Variants in CTBP2 observed in about 807,000 individuals in gnomAD.
CTBP2 encodes C-terminal-binding protein 2.
In CTBP2, 30 loss-of-function variants were observed where a neutral mutation model predicts 80.3. The ratio of observed to expected loss-of-function variants is 0.37; its 90% CI spans 0.28 to 0.51. CTBP2 has a LOEUF of 0.51. Among genes scored for constraint, CTBP2 ranks in the 20% least tolerant of loss-of-function variants. CTBP2 has a pLI of 0.93. For missense variants in CTBP2, 1,212 were observed against 1,375.3 expected, an observed-to-expected ratio of 0.88 and a Z score of 1.88; for synonymous variants, 594 against 587.4, an observed-to-expected ratio of 1.01 and a Z score of -0.16.
intron 1 of CTBP2, among the ~76,000 whole-genome samples, chr10:125,158,206 T>C (rs533241172): frequency 1.3e-5 from 2 of 152,118 alleles, no homozygotes; most frequent in East Asian, 3.9e-4. Flanking sequence ...TCAAAGTACA[T>C]GAAAACTACC....
chr10:125,073,806 C>A (rs147098428), intron 2 of CTBP2, among the ~76,000 whole-genome samples: 2 of 152,184 alleles, frequency 1.3e-5, no homozygotes, highest in Admixed American at 6.5e-5. Flanking sequence ...TGCTGCCCCC[C>A]GGAAAGGGTC....
At position 125,087,514 on chromosome 10, in the gene CTBP2, C is replaced by A. The variant is rs553582232; in HGVS notation, c.-102+23476G>T. Among the ~76,000 whole-genome samples, 29 of 152,334 alleles carry A rather than the reference C, an allele frequency of 1.9e-4. No individual in the cohort carries two copies. In the East Asian group the frequency reaches 4.6e-3, roughly 24 times the overall value. ...GCCAGGAAACACTCCCCCAGTCCCC[C>A]TGAAGGGCAAAGGTCTGTCTTCCAA... On this transcript the variant is annotated intron_variant, in intron 2 of 10. Transcript: ENST00000337195.
At chr10:125,002,713 G>A (rs1954697167) in intron 3 of CTBP2, among the ~76,000 whole-genome samples, 1 of 152,232 alleles carries the variant, frequency 6.6e-6, no homozygotes, top group Non-Finnish European at 1.5e-5. Flanking sequence ...GCTGGGTGTT[G>A]CTCTGAGGGC....
At chr10:125,005,402 C>CACT in intron 1 of CTBP2, 1 of 751,400 alleles carries the variant, frequency 1.3e-6, no homozygotes, top group East Asian at 2.7e-5. Flanking sequence ...TGCACCCAGT[C>CACT]ACTCCTGCTG....
intron 1 of CTBP2, among the ~76,000 whole-genome samples, chr10:125,148,349 C>G (rs1859182259): frequency 6.6e-6 from 1 of 152,196 alleles, no homozygotes; most frequent in Non-Finnish European, 1.5e-5. Flanking sequence ...AAACTCCCAG[C>G]TACAGGCGTG....
At position 125,026,109 on chromosome 10, in the gene CTBP2, C is replaced by T. The variant is rs530281431; in HGVS notation, c.1651G>A (p.Val551Met). Residue 551 changes from valine (V) to methionine (M), a missense_variant, in exon 1 of 9, where the codon GTG becomes ATG. By Grantham distance (21) the Val-to-Met change is conservative. This residue lies in a region of CTBP2 where 848 missense variants were observed against 782.3 expected (regional missense o/e 1.08). Transcript: ENST00000309035. Reference sequence around the variant, plus strand: ...GGTTCTGGTGCAAGCATGGTGGACACGATGATGGGTGCCCCTGTGCGCCGG... The same window carrying T: ...GGTTCTGGTGCAAGCATGGTGGACATGATGATGGGTGCCCCTGTGCGCCGG... The T allele has an allele frequency of 4.4e-5, 70 of 1,579,792 alleles. No homozygotes were observed. Among genetic ancestry groups the T allele is most frequent in the East Asian group, 2.5e-4 (11 of 44,412 alleles).
chr10:125,061,244 G>A (rs138525579), intron 2 of CTBP2, among the ~76,000 whole-genome samples: 2 of 152,210 alleles, frequency 1.3e-5, no homozygotes, highest in African/African-American at 2.4e-5. Flanking sequence ...ACAGCCAAGC[G>A]CTGTAAAAAT....
intron 2 of CTBP2, among the ~76,000 whole-genome samples, chr10:125,099,735 T>A (rs913444193): frequency 2.0e-5 from 3 of 151,754 alleles, no homozygotes; most frequent in African/African-American, 4.8e-5. Flanking sequence ...GGCAGAAGGG[T>A]CCCAAGGACT....
At chr10:125,018,091 C>T (rs539042219) in intron 1 of CTBP2, among the ~76,000 whole-genome samples, 4 of 152,354 alleles carry the variant, frequency 2.6e-5, no homozygotes, top group Non-Finnish European at 4.4e-5. Context: ...TGTGCTAATG[C>T]ACCGTGCCTG....
In CTBP2 at chr10:125,003,480, T is replaced by C; in HGVS notation, c.1691A>G (p.Gln564Arg). 2 of 1,561,548 alleles carry C rather than the reference T, an allele frequency of 1.3e-6. No individual in the cohort carries two copies. The highest frequency in any genetic ancestry group is 1.7e-6 in the Non-Finnish European group (2 of 1,157,874). ...GGGGTGCAGGGGGCCGTTCATGATCTGGGGGCGGATACCTGCCAGGAGGGA... is the reference window on the plus strand; with the variant it reads ...GGGGTGCAGGGGGCCGTTCATGATCCGGGGGCGGATACCTGCCAGGAGGGA... The change falls in exon 2 of 9, where the codon CAG becomes CGG. Residue 564 changes from glutamine to arginine, a missense_variant. By Grantham distance (43) the Gln-to-Arg change is conservative. This residue lies in a region of CTBP2 where 29 missense variants were observed against 88.3 expected (regional missense o/e 0.33). Transcript: ENST00000309035.
intron 1 of CTBP2, among the ~76,000 whole-genome samples, chr10:125,120,769 T>C: frequency 6.6e-6 from 1 of 152,138 alleles, no homozygotes; most frequent in Non-Finnish European, 1.5e-5. Flanking sequence ...CCTCTACCTC[T>C]CGGGCTCAAG....
rs374424958 is a variant in CTBP2, at chr10:125,118,799, C to T, written c.-205-7706G>A. On this transcript the variant is annotated intron_variant, in intron 1 of 10. Transcript: ENST00000337195. ...CCTGGCCCTGAGGTCCCCGCAAAGG[C>T]GCGCAGCTCCGAAAGACAAGTAGAA... Among the ~76,000 whole-genome samples the T allele has an allele frequency of 1.4e-4, 21 of 152,348 alleles. No homozygotes were observed. The East Asian group carries it at 2.5e-3, about 18-fold the overall frequency.
intron 1 of CTBP2, among the ~76,000 whole-genome samples, chr10:125,139,945 C>A (rs912078179): frequency 3.3e-5 from 5 of 152,062 alleles, no homozygotes; most frequent in Non-Finnish European, 7.4e-5. Context: ...AGACCGGTGG[C>A]CACACACATT....
intron 2 of CTBP2, among the ~76,000 whole-genome samples, chr10:125,099,209 T>C (rs1185397199): frequency 6.6e-6 from 1 of 152,228 alleles, no homozygotes; most frequent in African/African-American, 2.4e-5. Flanking sequence ...ACGTCTGTTC[T>C]TGCCAAGTGC....
intron 2 of CTBP2, among the ~76,000 whole-genome samples, chr10:125,045,344 C>A (rs554800589): frequency 6.6e-6 from 1 of 152,224 alleles, no homozygotes; most frequent in South Asian, 2.1e-4. Context: ...AAGACAATGG[C>A]CAAAAGTGAA....
chr10:125,139,028 A>G (rs1306765340), intron 1 of CTBP2, among the ~76,000 whole-genome samples: 1 of 152,152 alleles, frequency 6.6e-6, no homozygotes, highest in East Asian at 1.9e-4. Flanking sequence ...GCATCTACCA[A>G]ATACATCTCC....
intron 2 of CTBP2, among the ~76,000 whole-genome samples, chr10:125,062,623 G>A (rs1186786374): frequency 1.3e-5 from 2 of 152,178 alleles, no homozygotes; most frequent in African/African-American, 4.8e-5. Flanking sequence ...CAGCACTTTG[G>A]GAAGCCAAGG....
chr10:125,096,108 A>G (rs972514456), intron 2 of CTBP2, among the ~76,000 whole-genome samples: 3 of 152,172 alleles, frequency 2.0e-5, no homozygotes, highest in Non-Finnish European at 4.4e-5. Flanking sequence ...CCTTTGTCAA[A>G]CACAAAAAAA....
intron 1 of CTBP2, among the ~76,000 whole-genome samples, chr10:125,120,161 T>C (rs1436558405): frequency 6.6e-6 from 1 of 152,178 alleles, no homozygotes; most frequent in African/African-American, 2.4e-5. Context: ...CCCCGACTGA[T>C]GCCGGGAAAG....
Sources: allele counts gnomAD v4.1 joint callset (sites outside exome capture counted in the v4.1 genomes callset), GRCh38; gene constraint gnomAD v4.1.1; regional missense constraint gnomAD v4.1.1; transcripts MANE v1.5; gene names NCBI Gene and HGNC (gene_info 2026-07-23, HGNC 2026-07-21).